The following GPATCH8 variants were observed in gnomAD, a reference collection of about 807,000 sequenced individuals.
GPATCH8 encodes the protein G patch domain-containing protein 8.
Under a neutral mutation model 118.3 loss-of-function variants are expected in GPATCH8, and 18 were observed. That is an observed-to-expected ratio of 0.15 (90% CI 0.11 to 0.23). GPATCH8 has a LOEUF of 0.23. Ranked by LOEUF, GPATCH8 falls within the 10% of genes least tolerant of loss-of-function variation. The probability of loss-of-function intolerance (pLI) is 1.00; values close to 1 mark genes in which losing one functional copy is unlikely to be tolerated. For synonymous variants in GPATCH8, 659 were observed against 684.7 expected, an observed-to-expected ratio of 0.96 and a Z score of 0.59; for missense variants, 1,631 against 1,873.8, an observed-to-expected ratio of 0.87 and a Z score of 2.39.
Position 44,399,275 on chromosome 17 carries a change from GTCA to G in GPATCH8, c.2799_2801del (p.Asp934del), listed in dbSNP as rs1262773442. ...GGGACTGGCTGCAACTGAGGCTATA[GTCA>G]TCATCAGAAGATGAATATTTGTGCC... On this transcript the variant is annotated inframe_deletion, in exon 8 of 8. Coordinates refer to ENST00000591680, the MANE Select transcript of GPATCH8 (RefSeq NM_001002909.4). 3 of 1,613,710 alleles carry G rather than the reference GTCA, an allele frequency of 1.9e-6. No homozygotes were observed. The highest frequency in any genetic ancestry group is 2.2e-5 in the East Asian group (1 of 44,886).
At chr17:44,452,160 C>T (rs1306631776) in intron 3 of GPATCH8, among the ~76,000 whole-genome samples, 1 of 150,506 alleles carries the variant, frequency 6.6e-6, no homozygotes, top group East Asian at 2.0e-4. Context: ...ATAATCTCAG[C>T]TAGTTGGGAG....
At chr17:44,441,705 C>A (rs1195738562) in intron 3 of GPATCH8, among the ~76,000 whole-genome samples, 1 of 150,038 alleles carries the variant, frequency 6.7e-6, no homozygotes, top group Admixed American at 6.7e-5. Flanking sequence ...GCCTGGGCAA[C>A]ACAACGACAC....
intron 3 of GPATCH8, among the ~76,000 whole-genome samples, chr17:44,463,867 T>C (rs1342509722): frequency 6.6e-6 from 1 of 152,178 alleles, no homozygotes; most frequent in African/African-American, 2.4e-5. Context: ...ACAAATGCAA[T>C]GGAAACTTTA....
chr17:44,440,472 C>T (rs1045765775), intron 3 of GPATCH8, among the ~76,000 whole-genome samples: 7 of 152,170 alleles, frequency 4.6e-5, no homozygotes, highest in East Asian at 3.9e-4. Flanking sequence ...TACAGTAGCA[C>T]GATCAGCTCA....
At chr17:44,453,528 T>TGTGTGTGTGTGCGC (rs1482667373) in intron 3 of GPATCH8, among the ~76,000 whole-genome samples, 1 of 150,584 alleles carries the variant, frequency 6.6e-6, no homozygotes, top group African/African-American at 2.5e-5. Context: ...TGTGTGTGTG[T>TGTGTGTGTGTGCGC]GTGCAGGCGC....
chr17:44,490,137 A>T (rs779990451), intron 1 of GPATCH8, among the ~76,000 whole-genome samples: 21 of 151,836 alleles, frequency 1.4e-4, no homozygotes, highest in East Asian at 1.9e-4. Context: ...ATCTTTACAA[A>T]TTTTTTTTAA....
chr17:44,433,921 G>A (rs920281150), intron 5 of GPATCH8, among the ~76,000 whole-genome samples: 1 of 151,768 alleles, frequency 6.6e-6, no homozygotes, highest in Non-Finnish European at 1.5e-5. Flanking sequence ...GGCAGATCAC[G>A]TGAGGTAAGG....
At chr17:44,433,812 C>T (rs1953906118) in intron 5 of GPATCH8, among the ~76,000 whole-genome samples, 1 of 152,138 alleles carries the variant, frequency 6.6e-6, no homozygotes. Flanking sequence ...AGTATAAATT[C>T]TTCAAAACCA....
At chr17:44,430,324 G>A (rs1354482141) in intron 5 of GPATCH8, among the ~76,000 whole-genome samples, 1 of 151,822 alleles carries the variant, frequency 6.6e-6, no homozygotes, top group Non-Finnish European at 1.5e-5. Flanking sequence ...AGGCGAAGTG[G>A]GATTTATCCC....
intron 5 of GPATCH8, among the ~76,000 whole-genome samples, chr17:44,434,139 T>A (rs763631965): frequency 1.3e-4 from 20 of 150,600 alleles, no homozygotes; most frequent in Admixed American, 3.3e-4. Flanking sequence ...TTAAAAAAAA[T>A]AATAATATTA....
intron 3 of GPATCH8, among the ~76,000 whole-genome samples, chr17:44,443,828 G>A (rs757483331): frequency 1.3e-5 from 2 of 152,080 alleles, no homozygotes; most frequent in African/African-American, 2.4e-5. Context: ...ACCACCACAT[G>A]TGGCTAATTC....
intron 2 of GPATCH8, among the ~76,000 whole-genome samples, chr17:44,466,424 T>A (rs755221358): frequency 2.0e-5 from 3 of 152,220 alleles, no homozygotes; most frequent in Non-Finnish European, 2.9e-5. Context: ...GCAAGTTATT[T>A]TTGCTCTATA....
At chr17:44,405,726 A>T (rs935939951) in intron 7 of GPATCH8, among the ~76,000 whole-genome samples, 195 bp downstream of exon 7, 82 of 151,834 alleles carry the variant, frequency 5.4e-4, no homozygotes, top group African/African-American at 1.9e-3. Flanking sequence ...GGATGGTCTC[A>T]ATCTCCTGAC....
At chr17:44,446,332 C>T (rs930111525) in intron 3 of GPATCH8, among the ~76,000 whole-genome samples, 16 of 151,962 alleles carry the variant, frequency 1.1e-4, no homozygotes, top group Admixed American at 1.3e-4. Context: ...TTTGGGAGGC[C>T]GAGGCGGGCA....
intron 1 of GPATCH8, among the ~76,000 whole-genome samples, chr17:44,478,491 C>A (rs1343847425): frequency 2.0e-5 from 3 of 151,518 alleles, no homozygotes; most frequent in Non-Finnish European, 4.4e-5. Flanking sequence ...CTTGTCTATA[C>A]AAAAAAAACT....
chr17:44,429,649 A>ACACACACACACACACAC (rs2050221839), intron 5 of GPATCH8, among the ~76,000 whole-genome samples: 2 of 125,612 alleles, frequency 1.6e-5, no homozygotes, highest in East Asian at 2.6e-4. Flanking sequence ...GTCTCTACTA[A>ACACACACACACACACAC]ACACACACAC....
chr17:44,402,324 C>CAAAAAAA (rs61316944), intron 7 of GPATCH8, among the ~76,000 whole-genome samples: 2 of 41,900 alleles, frequency 4.8e-5, no homozygotes, highest in African/African-American at 9.0e-5. Flanking sequence ...GACTCTGTCT[C>CAAAAAAA]AAAAAAAAAA....
At chr17:44,419,250 C>T (rs1448737701) in intron 6 of GPATCH8, among the ~76,000 whole-genome samples, 1 of 152,164 alleles carries the variant, frequency 6.6e-6, no homozygotes, top group Non-Finnish European at 1.5e-5. Context: ...CTAGGGATTG[C>T]TAATACAGGG....
chr17:44,399,467 G>A lies in GPATCH8; in HGVS notation c.2610C>T (p.Tyr870=). The change falls in exon 8 of 8, where the codon TAC becomes TAT. Residue 870 remains tyrosine (Y), a synonymous_variant. Coordinates refer to ENST00000591680, the MANE Select transcript of GPATCH8 (RefSeq NM_001002909.4). ...HSSHRSSRRS[Y]SSSSDASSDQ... ...CTGAAGAGGCATCTGAGCTACTTGA[G>A]TAAGAACGCCGGGAGGAACGATGCG... is the stretch of plus-strand genomic sequence containing the variant. 3 of 1,614,172 alleles carry A rather than the reference G, an allele frequency of 1.9e-6. No individual in the cohort carries two copies. Among genetic ancestry groups the A allele is most frequent in the East Asian group, 2.2e-5 (1 of 44,882 alleles).
Sources: allele counts gnomAD v4.1 joint callset (sites outside exome capture counted in the v4.1 genomes callset), GRCh38; gene constraint gnomAD v4.1.1; transcripts MANE v1.5; gene names NCBI Gene and HGNC (gene_info 2026-07-23, HGNC 2026-07-21).